The following KHDRBS2 variants were observed in gnomAD, a reference collection of about 807,000 sequenced individuals.
The protein encoded by KHDRBS2 is KH RNA binding domain containing, signal transduction associated 2, also known as KH domain-containing, RNA-binding, signal transduction-associated protein 2.
In KHDRBS2, 26 loss-of-function variants were observed where a neutral mutation model predicts 44.3. The ratio of observed to expected loss-of-function variants is 0.59; its 90% confidence interval spans 0.43 to 0.81. The LOEUF (loss-of-function observed/expected upper bound fraction) is 0.81, where lower values mean the gene tolerates loss of function less well. Ranked by LOEUF, KHDRBS2 falls within the 40% of genes least tolerant of loss-of-function variation. The probability of loss-of-function intolerance (pLI) is 0.00; values close to 1 mark genes in which losing one functional copy is unlikely to be tolerated. For synonymous variants in KHDRBS2, 194 were observed against 151.1 expected (o/e 1.28, Z -2.08); for missense variants, 476 against 433.1 (o/e 1.10, Z -0.88).
chr6:61,903,099 A>C (rs73487375), intron 4 of KHDRBS2, among the ~76,000 whole-genome samples: 1,570 of 152,360 alleles, frequency 0.01, 27 homozygotes, highest in African/African-American at 0.036. Context: ...TTTCTACCTC[A>C]TAATTTTCTC....
intron 4 of KHDRBS2, among the ~76,000 whole-genome samples, chr6:61,966,276 C>T (rs1400793186): frequency 6.6e-6 from 1 of 151,958 alleles, no homozygotes; most frequent in Non-Finnish European, 1.5e-5. Context: ...TTACAACTAT[C>T]TTCGGGTAGT....
At chr6:61,885,830 T>C (rs1349599274) in intron 6 of KHDRBS2, among the ~76,000 whole-genome samples, 1 of 152,078 alleles carries the variant, frequency 6.6e-6, no homozygotes, top group Non-Finnish European at 1.5e-5. Context: ...TTCTTTAGCA[T>C]CAAAGTCACT....
the KHDRBS2 span, among the ~76,000 whole-genome samples, chr6:61,615,241 A>AAAAAAG: frequency 4.3e-3 from 641 of 148,768 alleles, 22 homozygotes; most frequent in African/African-American, 0.015. Flanking sequence ...TCCAAAAAAA[A>AAAAAAG]AAAAAAAAAA....
intron 6 of KHDRBS2, among the ~76,000 whole-genome samples, chr6:61,868,767 C>T (rs1349246110): frequency 6.6e-6 from 1 of 152,190 alleles, no homozygotes; most frequent in African/African-American, 2.4e-5. Flanking sequence ...TCAGGTAAGC[C>T]ACAGGCTGAG....
rs894316608 is a variant in KHDRBS2 at position 62,157,241 on chromosome 6, T to C, written c.219+19944A>G. On this transcript the variant is annotated intron_variant, in intron 2 of 8. Coordinates refer to ENST00000281156, the MANE Select transcript of KHDRBS2 (RefSeq NM_152688.4). ...GGGAGGCTGTGGCAGGAGAATCCCT[T>C]GAACCCAGGAGGGGGAGGTTGCAGT... Among the ~76,000 whole-genome samples the C allele has an allele frequency of 7.3e-5, 11 of 151,628 alleles. No homozygotes were observed. In the South Asian group the frequency reaches 1.9e-3, roughly 26 times the overall value.
At chr6:61,947,655 G>C (rs549171366) in intron 4 of KHDRBS2, among the ~76,000 whole-genome samples, 3 of 151,894 alleles carry the variant, frequency 2.0e-5, no homozygotes, top group South Asian at 4.2e-4. Flanking sequence ...TTTTGAAAAG[G>C]GTTTTAAATA....
At chr6:61,727,168 C>G (rs964099738) in intron 7 of KHDRBS2, among the ~76,000 whole-genome samples, 1 of 152,130 alleles carries the variant, frequency 6.6e-6, no homozygotes, top group Non-Finnish European at 1.5e-5. Flanking sequence ...CTGACAAAAA[C>G]AAGCAATGGG....
intron 6 of KHDRBS2, among the ~76,000 whole-genome samples, chr6:61,833,100 A>G (rs1751815720): frequency 6.6e-6 from 1 of 152,184 alleles, no homozygotes; most frequent in South Asian, 2.1e-4. Flanking sequence ...AAACACCATG[A>G]CTTTTTTCAT....
At chr6:62,215,957 C>T (rs1274636730) in intron 1 of KHDRBS2, among the ~76,000 whole-genome samples, 9 of 151,456 alleles carry the variant, frequency 5.9e-5, no homozygotes, top group East Asian at 1.9e-4. Context: ...ACTATATTTC[C>T]GTGAAGTTGG....
At chr6:62,107,334 C>A (rs1458822276) in intron 2 of KHDRBS2, among the ~76,000 whole-genome samples, 1 of 152,138 alleles carries the variant, frequency 6.6e-6, no homozygotes, top group Non-Finnish European at 1.5e-5. Context: ...GAGTGAACTC[C>A]CATTCACAAT....
At chr6:62,191,732 T>C (rs902524598) in intron 1 of KHDRBS2, among the ~76,000 whole-genome samples, 1 of 152,116 alleles carries the variant, frequency 6.6e-6, no homozygotes, top group East Asian at 1.9e-4. Context: ...CAATGATTTT[T>C]ACACTGCTGT....
chr6:61,897,470 C>T (rs1031186301), intron 5 of KHDRBS2, among the ~76,000 whole-genome samples: 1 of 152,056 alleles, frequency 6.6e-6, no homozygotes, highest in Non-Finnish European at 1.5e-5. Context: ...TTAATTTGAT[C>T]CTTCACCTAC....
chr6:61,662,968 C>T, the KHDRBS2 span, among the ~76,000 whole-genome samples: 3,741 of 151,896 alleles, frequency 0.025, 71 homozygotes, highest in Middle Eastern at 0.082. Flanking sequence ...TATAGCGGCA[C>T]TATTCACAAT....
At chr6:61,835,633 A>G (rs572773302) in intron 6 of KHDRBS2, among the ~76,000 whole-genome samples, 1 of 152,064 alleles carries the variant, frequency 6.6e-6, no homozygotes, top group Admixed American at 6.6e-5. Context: ...TGGCCTTACA[A>G]TATAATATTT....
intron 1 of KHDRBS2, among the ~76,000 whole-genome samples, chr6:62,210,327 C>CA (rs1173687686): frequency 3.3e-5 from 4 of 122,150 alleles, no homozygotes; most frequent in African/African-American, 1.2e-4. Flanking sequence ...TTCTAGCATT[C>CA]TTTTTTTTTT....
the KHDRBS2 span, among the ~76,000 whole-genome samples, chr6:61,617,108 A>G: frequency 1.3e-5 from 2 of 152,152 alleles, no homozygotes; most frequent in African/African-American, 4.8e-5. Context: ...AAGTATTTTC[A>G]CCACACGTAA....
At chr6:62,156,965 G>A (rs1426580804) in intron 2 of KHDRBS2, among the ~76,000 whole-genome samples, 1 of 151,106 alleles carries the variant, frequency 6.6e-6, no homozygotes, top group African/African-American at 2.4e-5. Flanking sequence ...GATTACAGGC[G>A]TGAGCCACTG....
At chr6:61,554,963 G>A in the KHDRBS2 span, among the ~76,000 whole-genome samples, 4 of 152,030 alleles carry the variant, frequency 2.6e-5, no homozygotes, top group African/African-American at 9.7e-5. Flanking sequence ...TTTTCACCTT[G>A]GAGAATCTGA....
chr6:62,065,514 T>G (rs1308412149), intron 2 of KHDRBS2, among the ~76,000 whole-genome samples: 2 of 151,130 alleles, frequency 1.3e-5, no homozygotes, highest in Non-Finnish European at 2.9e-5. Flanking sequence ...ATCATCATTC[T>G]CAGTAAACTA....
Sources: gnomAD v4.1 joint callset for allele counts (sites outside exome capture counted in the v4.1 genomes callset) on GRCh38, gnomAD v4.1.1 for gene constraint, MANE v1.5 for transcripts, NCBI Gene and HGNC (gene_info 2026-07-23, HGNC 2026-07-21) for gene names.